NRXN3: variants seen among roughly 807,000 people sequenced by gnomAD.
NRXN3 encodes neurexin 3, also known as neurexin III.
Under a neutral mutation model 137.6 loss-of-function variants are expected in NRXN3, and 32 were observed. The ratio of observed to expected loss-of-function variants is 0.23; its 90% CI spans 0.18 to 0.31. NRXN3 has a LOEUF of 0.31. Ranked by LOEUF, NRXN3 falls within the 10% of genes least tolerant of loss-of-function variation. NRXN3 has a pLI of 1.00. For synonymous variants in NRXN3, 798 were observed against 784.5 expected (o/e 1.02, Z -0.29); for missense variants, 1,574 against 2,062.5 (o/e 0.76, Z 4.59).
rs547916627 is a variant in NRXN3 at position 79,585,711 on chromosome 14, A to G, written c.3445-78067A>G. Reference sequence around the variant, plus strand: ...AAAAAAAACAAAAAAAAAAAAAACCAACTTTGATAAATAAAATATAACTCT... The same window carrying G: ...AAAAAAAACAAAAAAAAAAAAAACCGACTTTGATAAATAAAATATAACTCT... On this transcript the variant is annotated intron_variant, in intron 16 of 20. Coordinates refer to ENST00000335750, the MANE Select transcript of NRXN3 (RefSeq NM_001330195.2). Among the ~76,000 whole-genome samples, 147 of 148,090 alleles carry G rather than the reference A, an allele frequency of 9.9e-4. 7 individuals carry two copies. The South Asian group carries it at 0.031, about 31-fold the overall frequency.
intron 4 of NRXN3, among the ~76,000 whole-genome samples, chr14:78,401,085 C>T (rs572712476): frequency 1.4e-4 from 21 of 152,218 alleles, no homozygotes; most frequent in Middle Eastern, 3.4e-3. Flanking sequence ...TGTCCTCACA[C>T]GGTAAAAGGT....
rs1601976694 is a variant in NRXN3 at position 78,657,071 on chromosome 14, A to G, written c.1221+5745A>G. 2.0e-5 allele frequency among the ~76,000 whole-genome samples: 3 copies of G among 151,254 alleles called. 1 individual carries two copies. Among genetic ancestry groups the G allele is most frequent in the East Asian group, 3.9e-4 (2 of 5,150 alleles). ...CAAAAAAAAAAAAAAAAAAAAAAAA[A>G]AAAAGAAAAGGTGGTCCCCTGAGCT... On this transcript the variant is annotated intron_variant, in intron 6 of 20. Transcript: ENST00000335750.
At chr14:78,213,087 A>C (rs1208977510) in intron 1 of NRXN3, among the ~76,000 whole-genome samples, 1 of 152,186 alleles carries the variant, frequency 6.6e-6, no homozygotes, top group Admixed American at 6.5e-5. Flanking sequence ...CAGCTTTGGC[A>C]AAACTCATCT....
chr14:78,933,933 A>G (rs1004645929), intron 10 of NRXN3, among the ~76,000 whole-genome samples: 5 of 151,750 alleles, frequency 3.3e-5, no homozygotes, highest in Admixed American at 3.3e-4. Flanking sequence ...CCCACCCCCA[A>G]CCACCCCAGC....
chr14:78,774,707 C>T (rs1257103876), intron 8 of NRXN3, among the ~76,000 whole-genome samples: 2 of 152,062 alleles, frequency 1.3e-5, no homozygotes, highest in Non-Finnish European at 2.9e-5. Context: ...CGCTTGAGGC[C>T]AGGAGTTCAA....
rs147632734 is a variant in NRXN3 at position 78,400,428 on chromosome 14, G to A, written c.757+102568G>A. On this transcript the variant is annotated intron_variant, in intron 4 of 20. Transcript: ENST00000335750. ...ACTATTTTCTCTTCTTGAGCTTTAT[G>A]GGCATCTTTTATAGAAACTTTACCT... Among the ~76,000 whole-genome samples the A allele has an allele frequency of 4.7e-3, 720 of 152,282 alleles. 3 individuals carry two copies. Among genetic ancestry groups the A allele is most frequent in the Middle Eastern group, 0.044 (13 of 294 alleles).
intron 4 of NRXN3, among the ~76,000 whole-genome samples, chr14:78,439,592 G>C (rs2215831): frequency 1 from 151,927 of 152,358 alleles, 75,750 homozygotes; most frequent in Middle Eastern, 1. Context: ...AGAGCTTGCT[G>C]TAGCTGCTAT....
chr14:79,446,623 C>T (rs1446881135), intron 15 of NRXN3, among the ~76,000 whole-genome samples: 1 of 152,032 alleles, frequency 6.6e-6, no homozygotes, highest in Non-Finnish European at 1.5e-5. Context: ...CTCCCTCCTC[C>T]CTGCCCCCTC....
intron 4 of NRXN3, among the ~76,000 whole-genome samples, chr14:78,636,446 G>A (rs2097567674): frequency 1.3e-5 from 2 of 152,022 alleles, no homozygotes; most frequent in Non-Finnish European, 2.9e-5. Context: ...ACGAAATGTA[G>A]AACTAGGGTA....
At chr14:78,810,273 C>A in intron 9 of NRXN3, 45 bp from the exon 10 acceptor site, 3 of 1,309,456 alleles carry the variant, frequency 2.3e-6, no homozygotes, top group Middle Eastern at 1.8e-4. Context: ...CAGCTGTTAC[C>A]TTGAAGGATG....
chr14:78,397,129 C>A (rs769526936), intron 4 of NRXN3, among the ~76,000 whole-genome samples: 1 of 152,186 alleles, frequency 6.6e-6, no homozygotes, highest in Non-Finnish European at 1.5e-5. Context: ...ATAGCATGTG[C>A]CATCATGTGG....
intron 4 of NRXN3, among the ~76,000 whole-genome samples, chr14:78,619,176 A>G (rs1473186634): frequency 1.3e-5 from 2 of 152,212 alleles, no homozygotes; most frequent in Non-Finnish European, 2.9e-5. Context: ...AGGATGTTAG[A>G]GAAATCAAAA....
intron 20 of NRXN3, among the ~76,000 whole-genome samples, chr14:79,855,920 C>T (rs1199114779): frequency 6.6e-6 from 1 of 152,160 alleles, no homozygotes; most frequent in Non-Finnish European, 1.5e-5. Context: ...CTAGTAGGAA[C>T]TCCTAGAGAG....
At chr14:78,207,720 C>G (rs994199491) in intron 1 of NRXN3, among the ~76,000 whole-genome samples, 1 of 152,212 alleles carries the variant, frequency 6.6e-6, no homozygotes, top group Admixed American at 6.5e-5. Flanking sequence ...AGTCATCACG[C>G]CCTTTTGGTT....
chr14:79,308,894 T>TA (rs1438634629), intron 15 of NRXN3, among the ~76,000 whole-genome samples: 249 of 146,148 alleles, frequency 1.7e-3, no homozygotes, highest in African/African-American at 6.0e-3. Flanking sequence ...TATTTTATTT[T>TA]TTTTTATTTT....
At chr14:78,508,766 T>C (rs1397517293) in intron 4 of NRXN3, among the ~76,000 whole-genome samples, 1 of 152,176 alleles carries the variant, frequency 6.6e-6, no homozygotes, top group African/African-American at 2.4e-5. Context: ...TTCAAGCAAA[T>C]TGATTTTAAG....
At chr14:78,739,563 C>G (rs1356876494) in intron 8 of NRXN3, among the ~76,000 whole-genome samples, 1 of 152,172 alleles carries the variant, frequency 6.6e-6, no homozygotes, top group Non-Finnish European at 1.5e-5. Context: ...CCTCCGCCTC[C>G]CGGGTTCAAG....
At chr14:78,983,870 AAAG>A (rs1318106506) in intron 14 of NRXN3, among the ~76,000 whole-genome samples, 2 of 150,870 alleles carry the variant, frequency 1.3e-5, no homozygotes, top group African/African-American at 4.9e-5. Flanking sequence ...AAAAAAAAAA[AAAG>A]AAAAAAAAAG....
At chr14:78,828,431 T>A (rs2098972943) in intron 10 of NRXN3, among the ~76,000 whole-genome samples, 1 of 152,238 alleles carries the variant, frequency 6.6e-6, no homozygotes, top group Non-Finnish European at 1.5e-5. Context: ...TTTCTGTAGA[T>A]GGCCAGATAG....
Sources: allele counts gnomAD v4.1 joint callset (sites outside exome capture counted in the v4.1 genomes callset), GRCh38; gene constraint gnomAD v4.1.1; transcripts MANE v1.5; gene names NCBI Gene and HGNC (gene_info 2026-07-23, HGNC 2026-07-21).